The following CCAR1 variants were observed in gnomAD, a reference collection of about 807,000 sequenced individuals.
The protein encoded by CCAR1 is cell division cycle and apoptosis regulator 1, also known as cell division cycle and apoptosis regulator protein 1.
Under a neutral mutation model 163.8 loss-of-function variants are expected in CCAR1, and 78 were observed. That is an observed-to-expected ratio of 0.48 (90% CI 0.40 to 0.57). CCAR1 has a LOEUF of 0.57. CCAR1 is among the 20% of genes least tolerant of loss of function. The pLI is 0.00. For missense variants in CCAR1, 1,019 were observed against 1,365.2 expected (o/e 0.75, Z 4.00); for synonymous variants, 443 against 460.7 (o/e 0.96, Z 0.49).
Position 68,736,936 on chromosome 10 carries a change from A to C in CCAR1, c.134A>C (p.Gln45Pro). ...LGASPTIYTQ[Q>P]TALAAAGLTT... The stretch of plus-strand genomic sequence containing the variant: ...GCATCTCCTACCATTTATACACAGC[A>C]AACTGCATTGGCAGCAGCAGGCCTT... Residue 45 changes from glutamine (Q) to proline (P), a missense_variant, in exon 3 of 25, where the codon CAA becomes CCA. By Grantham distance (76) the Gln-to-Pro change is moderately conservative. Coordinates refer to ENST00000265872, the MANE Select transcript of CCAR1 (RefSeq NM_018237.4). 1 of 1,614,152 alleles carries C rather than the reference A, an allele frequency of 6.2e-7. No homozygotes were observed. The highest frequency in any genetic ancestry group is 8.5e-7 in the Non-Finnish European group (1 of 1,179,996).
In CCAR1 at chr10:68,786,121, ATAT is replaced by A; in HGVS notation, c.2651-13_2651-11del. On this transcript the variant is annotated splice_polypyrimidine_tract_variant and intron_variant, in intron 19 of 24. Transcript: ENST00000265872. ...TATTAATGACTTTTTTGCCACTGTT[ATAT>A]TTATTTTACAGATAGGGATGAGGAA... is the stretch of plus-strand genomic sequence containing the variant. 1.3e-6 allele frequency: 2 copies of A among 1,578,616 alleles called. No homozygotes were observed. The highest frequency in any genetic ancestry group is 8.7e-7 in the Non-Finnish European group (1 of 1,149,600).
chr10:68,788,676 G>A (rs1029769205), intron 23 of CCAR1, among the ~76,000 whole-genome samples: 4 of 151,922 alleles, frequency 2.6e-5, no homozygotes, highest in Non-Finnish European at 2.9e-5. Context: ...GTAGAAATGG[G>A]GTTTCACCAT....
At chr10:68,736,537 A>C (rs1589157121) in intron 2 of CCAR1, among the ~76,000 whole-genome samples, 1 of 152,010 alleles carries the variant, frequency 6.6e-6, no homozygotes, top group African/African-American at 2.4e-5. Flanking sequence ...TGTTTCTCTT[A>C]GTTTGACTTT....
chr10:68,791,737 A>G lies in CCAR1; in HGVS notation c.*471A>G, dbSNP rs939045574. ...TTTTTGTTTTTTTTACTCATCACCA[A>G]AAAATCCCCTCTTGATCAGTCTCTA... On this transcript the variant is annotated 3_prime_UTR_variant, in exon 25 of 25. Transcript: ENST00000265872. The G allele has an allele frequency of 2.0e-5, 3 of 153,454 alleles. No individual in the cohort carries two copies. The highest frequency in any genetic ancestry group is 4.8e-5 in the African/African-American group (2 of 41,428). 9.5% of individuals were successfully genotyped at this position (153,454 alleles called of 1,614,324 possible).
rs2056526682 is a variant in CCAR1 at position 68,765,641 on chromosome 10, C to G, written c.2107-247C>G. Among the ~76,000 whole-genome samples the G allele has an allele frequency of 2.6e-5, 4 of 152,108 alleles. No individual in the cohort carries two copies. The South Asian group carries it at 8.3e-4, about 32-fold the overall frequency. ...CTCAATATAGATAATTTTTCCCCCT[C>G]TTTACAAGGCAGTTTCTTATGCTGG... On this transcript the variant is annotated intron_variant, in intron 16 of 24. Transcript: ENST00000265872.
At chr10:68,773,451 C>T (rs929671897) in intron 19 of CCAR1, among the ~76,000 whole-genome samples, 3 of 152,000 alleles carry the variant, frequency 2.0e-5, no homozygotes, top group African/African-American at 4.8e-5. Context: ...CATTTGAGGT[C>T]AAGAGTTCCA....
rs139591508 is a variant in CCAR1 at position 68,778,214 on chromosome 10, T to C, written c.2650+5115T>C. On this transcript the variant is annotated intron_variant, in intron 19 of 24. Coordinates refer to ENST00000265872, the MANE Select transcript of CCAR1 (RefSeq NM_018237.4). ...CTGGGTGACAAAGCAAGACTCCATC[T>C]CAAAAGAAAAGAAAAGAAAAAGCTA... Among the ~76,000 whole-genome samples the C allele has an allele frequency of 7.5e-3, 1,135 of 152,138 alleles. 21 individuals carry two copies. The highest frequency in any genetic ancestry group is 0.025 in the African/African-American group (1,053 of 41,490).
rs769750389 is a variant in CCAR1, at chr10:68,755,534, A to G, written c.1623A>G (p.Gln541=). The G allele has an allele frequency of 7.4e-6, 12 of 1,611,474 alleles. No homozygotes were observed. Among genetic ancestry groups the G allele is most frequent in the South Asian group, 2.2e-5 (2 of 90,808 alleles). ...LTGIDLSVCT[Q]WYRFAEIRYH... is the part of the protein sequence containing the mutation. ...GCATTGATCTAAGTGTGTGCACACAATGGTAAGTACTAATTCATTTCTTGA... is the reference window on the plus strand; with the variant it reads ...GCATTGATCTAAGTGTGTGCACACAGTGGTAAGTACTAATTCATTTCTTGA... Residue 541 remains glutamine, a splice_region_variant and synonymous_variant, in exon 13 of 25, where the codon CAA becomes CAG. Coordinates refer to ENST00000265872, the MANE Select transcript of CCAR1 (RefSeq NM_018237.4).
intron 24 of CCAR1, 25 bp from the exon 25 acceptor site, chr10:68,791,182 T>C (rs752375963): frequency 7.2e-7 from 1 of 1,382,444 alleles, no homozygotes; most frequent in Non-Finnish European, 1.0e-6. Context: ...TAAAATGTAT[T>C]TTTTCCTTCT....
intron 19 of CCAR1, among the ~76,000 whole-genome samples, chr10:68,781,583 C>T (rs1360943101): frequency 6.6e-6 from 1 of 151,466 alleles, no homozygotes; most frequent in Non-Finnish European, 1.5e-5. Flanking sequence ...AGGCTGGGCT[C>T]AGTGGTTCAT....
At chr10:68,734,221 G>C (rs985374918) in intron 2 of CCAR1, among the ~76,000 whole-genome samples, 4 of 151,990 alleles carry the variant, frequency 2.6e-5, no homozygotes, top group Non-Finnish European at 4.4e-5. Flanking sequence ...AGCACAAATT[G>C]TTCTTTCTAT....
chr10:68,751,152 C>G (rs564375309), intron 10 of CCAR1, among the ~76,000 whole-genome samples: 33 of 151,988 alleles, frequency 2.2e-4, no homozygotes, highest in African/African-American at 8.0e-4. Context: ...CTCAGCCTCC[C>G]GAGTAGCTGG....
chr10:68,761,001 A>G lies in CCAR1; in HGVS notation c.1921-6A>G, dbSNP rs113285809. On this transcript the variant is annotated splice_polypyrimidine_tract_variant and splice_region_variant and intron_variant, in intron 15 of 24. Transcript: ENST00000265872. ...TTTTCCGTGTTTTTCTGCTCCATATATTCAGGTAAATGACCTCCGAAAAGA... is the reference window on the plus strand; with the variant it reads ...TTTTCCGTGTTTTTCTGCTCCATATGTTCAGGTAAATGACCTCCGAAAAGA... 3.1e-6 allele frequency: 4 copies of G among 1,278,106 alleles called. No homozygotes were observed. In the African/African-American group the frequency reaches 7.3e-5, roughly 23 times the overall value. 79.2% of individuals were successfully genotyped at this position (1,278,106 alleles called of 1,614,324 possible). A position where few individuals can be genotyped will look rare whatever the true frequency, so the allele number is the denominator to read the frequency against.
chr10:68,783,638 A>G (rs577057844), intron 19 of CCAR1, among the ~76,000 whole-genome samples: 25 of 152,300 alleles, frequency 1.6e-4, no homozygotes, highest in African/African-American at 3.6e-4. Context: ...GAAGGGTTCA[A>G]TAATTCAGTA....
intron 17 of CCAR1, among the ~76,000 whole-genome samples, chr10:68,769,112 G>T (rs1328709770): frequency 2.0e-5 from 3 of 152,086 alleles, no homozygotes; most frequent in Non-Finnish European, 4.4e-5. Flanking sequence ...GTAGCCCTGG[G>T]ATTACAGGCG....
intron 2 of CCAR1, 28 bp downstream of exon 2, chr10:68,722,605 A>G (rs755590836): frequency 1.9e-6 from 3 of 1,542,940 alleles, no homozygotes; most frequent in East Asian, 2.2e-5. Flanking sequence ...ATGTACTGTA[A>G]TTGTTTGTGG....
At position 68,753,854 on chromosome 10, in the gene CCAR1, C is replaced by T. The variant is rs2056367512; in HGVS notation, c.1121C>T (p.Pro374Leu). Residue 374 changes from proline (P) to leucine (L), a missense_variant and splice_region_variant, in exon 11 of 25, where the codon CCC becomes CTC. Physicochemically the swap from Pro to Leu is moderately conservative, Grantham distance 98 (BLOSUM62 -3). Transcript: ENST00000265872. ...VQFSKFSLDC[P>L]SCDMMELRRR... is the part of the protein sequence containing the mutation. Reference sequence around the variant, plus strand: ...CACTACTTATGTCTGTTTTTCAGTCCCAGTTGTGACATGATGGAACTAAGG... The same window carrying T: ...CACTACTTATGTCTGTTTTTCAGTCTCAGTTGTGACATGATGGAACTAAGG... 2.5e-6 allele frequency: 4 copies of T among 1,608,158 alleles called. No homozygotes were observed. The Admixed American group carries it at 5.0e-5, about 20-fold the overall frequency.
In CCAR1 at chr10:68,771,148, G is replaced by A; in HGVS notation, c.2299-58G>A. 9.0e-6 allele frequency: 13 copies of A among 1,444,760 alleles called. 1 individual carries two copies. In the South Asian group the frequency reaches 1.3e-4, roughly 15 times the overall value. 89.5% of individuals were successfully genotyped at this position (1,444,760 alleles called of 1,614,324 possible). ...AAGTTTTTATTTGCTAAATTACTCTGCTAGCTTTATTATTTCTGTTGAAAT... is the reference window on the plus strand; with the variant it reads ...AAGTTTTTATTTGCTAAATTACTCTACTAGCTTTATTATTTCTGTTGAAAT... On this transcript the variant is annotated intron_variant, in intron 17 of 24. Transcript: ENST00000265872.
At chr10:68,729,428 C>T (rs1387687484) in intron 2 of CCAR1, among the ~76,000 whole-genome samples, 2 of 151,748 alleles carry the variant, frequency 1.3e-5, no homozygotes, top group Non-Finnish European at 2.9e-5. Flanking sequence ...TGCCACCACG[C>T]CCGGCTAATT....
Sources: gnomAD v4.1 joint callset for allele counts (sites outside exome capture counted in the v4.1 genomes callset) on GRCh38, gnomAD v4.1.1 for gene constraint, MANE v1.5 for transcripts, NCBI Gene and HGNC (gene_info 2026-07-23, HGNC 2026-07-21) for gene names.